SH3GL2: variants seen among roughly 807,000 people sequenced by gnomAD.
SH3GL2 encodes the protein SH3 domain containing GRB2 like 2, endophilin A1.
Under a neutral mutation model 46.0 loss-of-function variants are expected in SH3GL2, and 24 were observed. The ratio of observed to expected loss-of-function variants is 0.52; its 90% CI spans 0.38 to 0.73. SH3GL2 has a LOEUF of 0.73. SH3GL2 is among the 30% of genes least tolerant of loss of function. The pLI, the probability that SH3GL2 is intolerant of heterozygous loss-of-function variation, is 0.00. For synonymous variants in SH3GL2, 196 were observed against 147.1 expected, an observed-to-expected ratio of 1.33 and a Z score of -2.40; for missense variants, 413 against 424.2, an observed-to-expected ratio of 0.97 and a Z score of 0.23.
At chr9:17,738,898 A>G (rs113987198) in intron 1 of SH3GL2, among the ~76,000 whole-genome samples, 16 of 152,238 alleles carry the variant, frequency 1.1e-4, no homozygotes, top group Middle Eastern at 3.4e-3. Context: ...ACTTGAAGTC[A>G]ACAGATTGTA....
intron 1 of SH3GL2, chr9:17,591,104 C>T (rs1334782827): frequency 3.3e-5 from 5 of 152,130 alleles, no homozygotes; most frequent in African/African-American, 7.2e-5. Context: ...CTTTCTGTGT[C>T]TGAAGACACA....
At chr9:17,667,022 A>G (rs991045827) in intron 1 of SH3GL2, among the ~76,000 whole-genome samples, 2 of 152,150 alleles carry the variant, frequency 1.3e-5, no homozygotes, top group African/African-American at 4.8e-5. Flanking sequence ...AAGAGTTTTC[A>G]TGTGATAAAT....
chr9:17,684,552 T>C (rs1031828329), intron 1 of SH3GL2, among the ~76,000 whole-genome samples: 2 of 151,954 alleles, frequency 1.3e-5, no homozygotes, highest in Non-Finnish European at 2.9e-5. Flanking sequence ...ATACAAAAAA[T>C]ATTTGAAGAG....
At chr9:17,723,864 C>T (rs1333687696) in intron 1 of SH3GL2, among the ~76,000 whole-genome samples, 1 of 152,018 alleles carries the variant, frequency 6.6e-6, no homozygotes, top group Non-Finnish European at 1.5e-5. Flanking sequence ...GTCATCTGTT[C>T]ATCTTATTGT....
chr9:17,651,001 C>T (rs761710103), intron 1 of SH3GL2, among the ~76,000 whole-genome samples: 5 of 151,420 alleles, frequency 3.3e-5, no homozygotes, highest in Non-Finnish European at 5.9e-5. Context: ...TGTGTGTTTG[C>T]ACGTGTGCAC....
chr9:17,768,996 A>G (rs1823396981), intron 3 of SH3GL2, among the ~76,000 whole-genome samples: 1 of 152,120 alleles, frequency 6.6e-6, no homozygotes, highest in African/African-American at 2.4e-5. Flanking sequence ...CCTCAAACAC[A>G]CAGGCACTAT....
chr9:17,642,226 T>G (rs997456494), intron 1 of SH3GL2, among the ~76,000 whole-genome samples: 1 of 152,218 alleles, frequency 6.6e-6, no homozygotes, highest in African/African-American at 2.4e-5. Flanking sequence ...TTCTTGTAAA[T>G]TTGTTTAAGT....
At chr9:17,655,103 A>G (rs927187164) in intron 1 of SH3GL2, among the ~76,000 whole-genome samples, 10 of 152,206 alleles carry the variant, frequency 6.6e-5, no homozygotes, top group Middle Eastern at 3.2e-3. Context: ...TCCTCTAGAA[A>G]TGCTTCAGAC....
intron 4 of SH3GL2, among the ~76,000 whole-genome samples, 186 bp downstream of exon 4, chr9:17,786,710 C>G (rs1357025609): frequency 6.6e-6 from 1 of 152,096 alleles, no homozygotes; most frequent in African/African-American, 2.4e-5. Flanking sequence ...ATTTATCTTA[C>G]AAGTTTTCTT....
intron 3 of SH3GL2, among the ~76,000 whole-genome samples, chr9:17,770,038 C>G (rs544564570): frequency 6.6e-6 from 1 of 152,156 alleles, no homozygotes; most frequent in Non-Finnish European, 1.5e-5. Context: ...TACATAAGCT[C>G]CATCTTACGG....
At chr9:17,788,850 C>T (rs915432599) in intron 5 of SH3GL2, among the ~76,000 whole-genome samples, 2 of 152,146 alleles carry the variant, frequency 1.3e-5, no homozygotes, top group African/African-American at 4.8e-5. Flanking sequence ...CCTAGGCCCC[C>T]ACCCTAGATA....
chr9:17,581,007 C>G (rs2134530361), intron 1 of SH3GL2, among the ~76,000 whole-genome samples: 1 of 152,266 alleles, frequency 6.6e-6, no homozygotes. Flanking sequence ...CCTGTCCATG[C>G]TGAAGTGATG....
In SH3GL2 at chr9:17,684,170, T is replaced by C. The variant is rs544732101; in HGVS notation, c.46-62896T>C. ...GAATTTTAAATAACTATGATCAATA[T>C]GTTAAAGGTTCTAAGTGGGAAAAGT... On this transcript the variant is annotated intron_variant, in intron 1 of 8. Transcript: ENST00000380607. 2.0e-5 allele frequency among the ~76,000 whole-genome samples: 3 copies of C among 152,220 alleles called. No homozygotes were observed. In the East Asian group the frequency reaches 5.8e-4, roughly 29 times the overall value.
chr9:17,627,107 A>T (rs536155304), intron 1 of SH3GL2, among the ~76,000 whole-genome samples: 83 of 152,306 alleles, frequency 5.4e-4, no homozygotes, highest in African/African-American at 1.9e-3. Context: ...AAATAGAAGA[A>T]TTGGGACTGC....
At chr9:17,593,132 C>G (rs1054789881) in intron 1 of SH3GL2, among the ~76,000 whole-genome samples, 1 of 152,196 alleles carries the variant, frequency 6.6e-6, no homozygotes, top group Non-Finnish European at 1.5e-5. Flanking sequence ...GGCTGTTCAT[C>G]TGTATCCTTT....
At chr9:17,729,989 T>C (rs1430440259) in intron 1 of SH3GL2, among the ~76,000 whole-genome samples, 3 of 152,172 alleles carry the variant, frequency 2.0e-5, no homozygotes, top group Non-Finnish European at 4.4e-5. Context: ...TTTTTCTAAT[T>C]CTGTGAAGAA....
At chr9:17,682,749 C>T (rs1272481776) in intron 1 of SH3GL2, among the ~76,000 whole-genome samples, 2 of 151,712 alleles carry the variant, frequency 1.3e-5, no homozygotes, top group African/African-American at 2.4e-5. Flanking sequence ...TTTGAAAAAC[C>T]CATTAAGTTT....
At chr9:17,694,559 A>C (rs1444593573) in intron 1 of SH3GL2, among the ~76,000 whole-genome samples, 1 of 152,158 alleles carries the variant, frequency 6.6e-6, no homozygotes, top group Non-Finnish European at 1.5e-5. Flanking sequence ...CAATTTATAA[A>C]ATGTCATTAT....
intron 3 of SH3GL2, among the ~76,000 whole-genome samples, chr9:17,765,989 A>G (rs1823306624): frequency 6.6e-6 from 1 of 152,222 alleles, no homozygotes. Context: ...CTTTTCCCTA[A>G]ATCATCAGAT....
Sources: gnomAD v4.1 joint callset for allele counts (sites outside exome capture counted in the v4.1 genomes callset) on GRCh38, gnomAD v4.1.1 for gene constraint, MANE v1.5 for transcripts, NCBI Gene and HGNC (gene_info 2026-07-23, HGNC 2026-07-21) for gene names.